Variants in BPGM observed in about 807,000 individuals in gnomAD.
The protein encoded by BPGM is 2,3-bisphosphoglycerate mutase, erythrocyte.
Under a neutral mutation model 21.6 loss-of-function variants are expected in BPGM, and 15 were observed. The ratio of observed to expected loss-of-function variants is 0.70; its 90% CI spans 0.47 to 1.07. The LOEUF (loss-of-function observed/expected upper bound fraction) is 1.07. BPGM is among the 50% of genes least tolerant of loss of function. The pLI, the probability that BPGM is intolerant of heterozygous loss-of-function variation, is 0.00. For synonymous variants in BPGM, 113 were observed against 116.2 expected (o/e 0.97, Z 0.18); for missense variants, 273 against 319.0 (o/e 0.86, Z 1.10).
chr7:134,670,517 T>C lies in BPGM; in HGVS notation c.602-8336T>C, dbSNP rs547933126. On this transcript the variant is annotated intron_variant, in intron 2 of 2. Transcript: ENST00000344924. ...ATAAAATTAAACGTAGAATGGATTCTTCTCTCTGCCTTACTCTAAATTAGT... is the reference window on the plus strand; with the variant it reads ...ATAAAATTAAACGTAGAATGGATTCCTCTCTCTGCCTTACTCTAAATTAGT... Among the ~76,000 whole-genome samples the C allele has an allele frequency of 2.5e-4, 38 of 152,368 alleles. 1 individual carries two copies. The South Asian group carries it at 7.7e-3, about 31-fold the overall frequency.
In BPGM at chr7:134,654,267, C is replaced by T. The variant is rs546508362; in HGVS notation, c.-61-7180C>T. Among the ~76,000 whole-genome samples, 25 of 152,288 alleles carry T rather than the reference C, an allele frequency of 1.6e-4. 1 individual carries two copies. The South Asian group carries it at 4.6e-3, about 28-fold the overall frequency. On this transcript the variant is annotated intron_variant, in intron 1 of 2. Transcript: ENST00000344924. ...AATGAATTAATTGGTCAGGCTAGGG[C>T]GACTGAGTATTTGGGGCTTTCAATT... is the stretch of plus-strand genomic sequence containing the variant.
intron 1 of BPGM, among the ~76,000 whole-genome samples, chr7:134,647,419 C>T (rs1261746973): frequency 6.6e-6 from 1 of 152,118 alleles, no homozygotes; most frequent in Non-Finnish European, 1.5e-5. Flanking sequence ...TGAATATATG[C>T]AGTGTTTTCA....
At chr7:134,667,854 T>C (rs970365047) in intron 2 of BPGM, among the ~76,000 whole-genome samples, 3 of 152,152 alleles carry the variant, frequency 2.0e-5, no homozygotes, top group Non-Finnish European at 4.4e-5. Context: ...CGGAGTGTGG[T>C]AACGGATAGC....
intron 2 of BPGM, among the ~76,000 whole-genome samples, chr7:134,664,140 T>TG (rs1490387447): frequency 6.6e-6 from 1 of 152,012 alleles, no homozygotes; most frequent in Admixed American, 6.6e-5. Context: ...AAACATAGAG[T>TG]TACCATATGA....
chr7:134,674,633 G>A (rs555524369), intron 2 of BPGM, among the ~76,000 whole-genome samples: 39 of 152,254 alleles, frequency 2.6e-4, no homozygotes, highest in Middle Eastern at 3.4e-3. Flanking sequence ...CTATTGTATG[G>A]ATATACCACA....
At chr7:134,668,885 G>A (rs1795859508) in intron 2 of BPGM, among the ~76,000 whole-genome samples, 1 of 101,584 alleles carries the variant, frequency 9.8e-6, no homozygotes, top group African/African-American at 4.8e-5. Context: ...AGAACTATCG[G>A]GAAATAACAG....
intron 2 of BPGM, among the ~76,000 whole-genome samples, chr7:134,669,134 A>G (rs1338098040): frequency 1.3e-5 from 2 of 152,228 alleles, no homozygotes; most frequent in African/African-American, 4.8e-5. Flanking sequence ...CAAAGGTAAT[A>G]GACTACATTA....
intron 2 of BPGM, among the ~76,000 whole-genome samples, chr7:134,674,768 G>A (rs996275032): frequency 6.6e-6 from 1 of 152,076 alleles, no homozygotes; most frequent in African/African-American, 2.4e-5. Flanking sequence ...ACTTCTCTTG[G>A]GTATATGCTT....
chr7:134,659,518 TAG>T (rs1795697368), intron 1 of BPGM, among the ~76,000 whole-genome samples: 1 of 152,128 alleles, frequency 6.6e-6, no homozygotes, highest in African/African-American at 2.4e-5. Context: ...AAACACTGCC[TAG>T]ATACCTTTTG....
intron 2 of BPGM, among the ~76,000 whole-genome samples, chr7:134,666,694 C>T (rs891771691): frequency 3.3e-5 from 5 of 152,156 alleles, no homozygotes; most frequent in African/African-American, 1.2e-4. Context: ...ACTTAACTCC[C>T]ACACCTAACA....
intron 2 of BPGM, among the ~76,000 whole-genome samples, chr7:134,671,668 A>G (rs987421196): frequency 1.3e-5 from 2 of 152,146 alleles, no homozygotes; most frequent in African/African-American, 2.4e-5. Flanking sequence ...CCAGCCTAAC[A>G]TTTTATTCCT....
chr7:134,666,781 T>C (rs1408761588), intron 2 of BPGM, among the ~76,000 whole-genome samples: 1 of 152,230 alleles, frequency 6.6e-6, no homozygotes, highest in Non-Finnish European at 1.5e-5. Flanking sequence ...TGTCTCTAAA[T>C]GTCAATCTGT....
chr7:134,658,480 G>C (rs531859551), intron 1 of BPGM: 35 of 152,358 alleles, frequency 2.3e-4, no homozygotes, highest in African/African-American at 7.9e-4. Flanking sequence ...ACTCTGCATA[G>C]TCCAGCTGCA....
rs1466825596 is a variant in BPGM, at chr7:134,661,370, G to A, written c.-61-77G>A. ...GGGATTTCAGTTTCTTTTAGAAATT[G>A]GGTGTTGTAAAGCGATGTTTCTATT... On this transcript the variant is annotated intron_variant, in intron 1 of 2. Coordinates refer to ENST00000344924, the MANE Select transcript of BPGM (RefSeq NM_001724.5). This position sits in a 1 kb window ranked among gnomAD's most constrained non-coding sequence, Gnocchi z 4.6. The A allele has an allele frequency of 8.0e-7, 1 of 1,246,726 alleles. No homozygotes were observed. Among genetic ancestry groups the A allele is most frequent in the Non-Finnish European group, 1.1e-6 (1 of 875,202 alleles). 77.2% of individuals were successfully genotyped at this position (1,246,726 alleles called of 1,614,324 possible).
intron 1 of BPGM, among the ~76,000 whole-genome samples, chr7:134,649,791 A>G (rs1301466288): frequency 6.6e-6 from 1 of 152,218 alleles, no homozygotes; most frequent in African/African-American, 2.4e-5. Context: ...ATTTGATTGC[A>G]TTCCTCCTTC....
intron 2 of BPGM, among the ~76,000 whole-genome samples, chr7:134,664,802 A>G (rs1449116883): frequency 6.6e-6 from 1 of 152,228 alleles, no homozygotes; most frequent in Admixed American, 6.5e-5. Context: ...ATGGGTGAAC[A>G]TTGAAATAAC....
At position 134,661,564 on chromosome 7, in the gene BPGM, G is replaced by A; in HGVS notation, c.57G>A (p.Glu19=). The A allele has an allele frequency of 6.2e-7, 1 of 1,614,180 alleles. No homozygotes were observed. The highest frequency in any genetic ancestry group is 2.2e-5 in the East Asian group (1 of 44,886). ...ATGGAGAGGGTGCTTGGAATAAGGA[G>A]AACCGTTTTTGTAGCTGGGTGGATC... ...LRHGEGAWNK[E]NRFCSWVDQK... is the part of the protein sequence containing the mutation. Residue 19 remains glutamate (E), a synonymous_variant, in exon 2 of 3, where the codon GAG becomes GAA. Coordinates refer to ENST00000344924, the MANE Select transcript of BPGM (RefSeq NM_001724.5). The surrounding 1 kb of genome is among the most constrained non-coding windows in gnomAD (Gnocchi z 4.6).
chr7:134,661,876 G>A lies in BPGM; in HGVS notation c.369G>A (p.Pro123=), dbSNP rs144528605. The A allele has an allele frequency of 1.4e-4, 220 of 1,607,928 alleles. No individual in the cohort carries two copies. The African/African-American group carries it at 2.0e-3, about 15-fold the overall frequency. ...RLWRRSYNVT[P]PPIEESHPYY... is the part of the protein sequence containing the mutation. The stretch of plus-strand genomic sequence containing the variant: ...GGAGAAGAAGCTACAATGTAACCCC[G>A]CCTCCCATTGAGGAGTCTCATCCTT... Residue 123 remains proline, a synonymous_variant, in exon 2 of 3, where the codon CCG becomes CCA. Transcript: ENST00000344924. This position sits in a 1 kb window ranked among gnomAD's most constrained non-coding sequence, Gnocchi z 4.6.
At chr7:134,670,254 A>G (rs770285619) in intron 2 of BPGM, among the ~76,000 whole-genome samples, 2 of 152,208 alleles carry the variant, frequency 1.3e-5, no homozygotes, top group Non-Finnish European at 2.9e-5. Flanking sequence ...AGCAAGGCAC[A>G]GAAGTGCTGA....
Sources: gnomAD v4.1 joint callset for allele counts (sites outside exome capture counted in the v4.1 genomes callset) on GRCh38, gnomAD v4.1.1 for gene constraint, Gnocchi (gnomAD v3.1) non-coding constraint, MANE v1.5 for transcripts, NCBI Gene and HGNC (gene_info 2026-07-23, HGNC 2026-07-21) for gene names.